The following ASIC2 variants were observed in gnomAD, a reference collection of about 807,000 sequenced individuals.
The protein encoded by ASIC2 is acid sensing ion channel subunit 2.
A neutral mutation model predicts 57.3 loss-of-function variants in ASIC2; 25 were observed. The observed-to-expected ratio is 0.44, with a 90% CI of 0.32 to 0.61. ASIC2 has a LOEUF of 0.61. ASIC2 is among the 20% of genes least tolerant of loss of function. The probability of loss-of-function intolerance (pLI) is 0.06; values close to 1 mark genes in which losing one functional copy is unlikely to be tolerated. For synonymous variants in ASIC2, 319 were observed against 307.5 expected (o/e 1.04, Z -0.39); for missense variants, 641 against 738.1 (o/e 0.87, Z 1.52).
intron 1 of ASIC2, among the ~76,000 whole-genome samples, chr17:33,275,949 T>G (rs1346148562): frequency 6.6e-6 from 1 of 152,126 alleles, no homozygotes; most frequent in Non-Finnish European, 1.5e-5. Flanking sequence ...GGCCTTATCT[T>G]GTAGGCAGCA....
At chr17:33,398,818 A>G (rs1401279303) in intron 1 of ASIC2, among the ~76,000 whole-genome samples, 1 of 152,234 alleles carries the variant, frequency 6.6e-6, no homozygotes, top group Admixed American at 6.5e-5. Context: ...CTACACAGCC[A>G]TTGAAGACAG....
chr17:33,479,276 C>T (rs536963286), intron 1 of ASIC2, among the ~76,000 whole-genome samples: 34 of 152,136 alleles, frequency 2.2e-4, no homozygotes, highest in African/African-American at 5.8e-4. Context: ...TGGGATTACA[C>T]GCATGAGCCA....
At chr17:33,857,417 T>C (rs1913988821) in intron 1 of ASIC2, among the ~76,000 whole-genome samples, 2 of 152,294 alleles carry the variant, frequency 1.3e-5, no homozygotes, top group African/African-American at 4.8e-5. Flanking sequence ...CATTCTGCCC[T>C]GCCTTTTCCT....
At chr17:33,689,775 C>T (rs1232591103) in intron 1 of ASIC2, among the ~76,000 whole-genome samples, 1 of 152,190 alleles carries the variant, frequency 6.6e-6, no homozygotes, top group Non-Finnish European at 1.5e-5. Context: ...TGACCAGTGT[C>T]CTCTTCAGTG....
chr17:34,017,641 A>C (rs573489418), intron 1 of ASIC2, among the ~76,000 whole-genome samples: 1 of 152,360 alleles, frequency 6.6e-6, no homozygotes, highest in African/African-American at 2.4e-5. Context: ...CAGTGAACAC[A>C]CAAATGATAA....
At chr17:33,205,770 G>A (rs113597302) in intron 1 of ASIC2, among the ~76,000 whole-genome samples, 6 of 152,218 alleles carry the variant, frequency 3.9e-5, no homozygotes, top group African/African-American at 9.6e-5. Context: ...CAGAGCTCCC[G>A]GCATGCCGCA....
At chr17:34,088,614 T>C (rs1039107884) in intron 1 of ASIC2, among the ~76,000 whole-genome samples, 1 of 152,234 alleles carries the variant, frequency 6.6e-6, no homozygotes, top group African/African-American at 2.4e-5. Context: ...GCTGTCTTTT[T>C]GTTTGTCTGT....
In ASIC2 at chr17:33,454,147, C is replaced by A. The variant is rs569795260; in HGVS notation, c.556-342080G>T. Among the ~76,000 whole-genome samples, 3 of 152,288 alleles carry A rather than the reference C, an allele frequency of 2.0e-5. No individual in the cohort carries two copies. In the South Asian group the frequency reaches 6.2e-4, roughly 32 times the overall value. On this transcript the variant is annotated intron_variant, in intron 1 of 9. Coordinates refer to the ASIC2 transcript ENST00000359872. The stretch of plus-strand genomic sequence containing the variant: ...TTCCTTTTCTCTCATGGTGACATTT[C>A]TTTTACTTGTCCCCAGCCTCTGTAA...
At chr17:33,410,205 C>T (rs746739604) in intron 1 of ASIC2, among the ~76,000 whole-genome samples, 1 of 152,132 alleles carries the variant, frequency 6.6e-6, no homozygotes, top group Non-Finnish European at 1.5e-5. Context: ...ATACCATTTC[C>T]AGCAACAGTG....
chr17:33,401,003 G>A (rs1910265607), intron 1 of ASIC2, among the ~76,000 whole-genome samples: 1 of 152,150 alleles, frequency 6.6e-6, no homozygotes, highest in South Asian at 2.1e-4. Flanking sequence ...CAGGTCACTG[G>A]AGAGATGCCA....
intron 1 of ASIC2, among the ~76,000 whole-genome samples, chr17:33,405,901 C>T (rs1376365905): frequency 6.6e-6 from 1 of 152,154 alleles, no homozygotes; most frequent in Admixed American, 6.5e-5. Context: ...CACCCAGGGG[C>T]CAGGTACCAG....
intron 1 of ASIC2, among the ~76,000 whole-genome samples, chr17:33,382,948 C>G (rs1358209525): frequency 6.6e-6 from 1 of 152,178 alleles, no homozygotes; most frequent in Non-Finnish European, 1.5e-5. Context: ...GTCTGCCGTT[C>G]CCTGTGCCTA....
chr17:33,334,376 A>C (rs1345786328), intron 1 of ASIC2, among the ~76,000 whole-genome samples: 2 of 152,194 alleles, frequency 1.3e-5, no homozygotes, highest in Non-Finnish European at 2.9e-5. Context: ...TCCAGAGCTC[A>C]TGCATGTCCA....
intron 1 of ASIC2, among the ~76,000 whole-genome samples, chr17:33,146,362 G>A (rs756499690): frequency 5.3e-5 from 8 of 152,258 alleles, no homozygotes; most frequent in South Asian, 2.1e-4. Context: ...ATTGACCCTC[G>A]GAGGGGTTAG....
intron 1 of ASIC2, among the ~76,000 whole-genome samples, chr17:33,243,899 G>A (rs1908600949): frequency 6.6e-6 from 1 of 152,176 alleles, no homozygotes; most frequent in Admixed American, 6.5e-5. Context: ...GCAAGTGCTA[G>A]TTTGGCTTTG....
intron 1 of ASIC2, among the ~76,000 whole-genome samples, chr17:33,418,050 G>A (rs1055307349): frequency 8.8e-5 from 8 of 90,660 alleles, no homozygotes; most frequent in African/African-American, 3.2e-4. Context: ...GTGTGTGTGT[G>A]TGTGTGTGTG....
chr17:33,637,714 T>C (rs758174528), intron 1 of ASIC2, among the ~76,000 whole-genome samples: 24 of 152,174 alleles, frequency 1.6e-4, no homozygotes, highest in Admixed American at 3.3e-4. Context: ...CTTGTCAACA[T>C]TGTAATTACC....
chr17:33,762,816 GA>G (rs1910826162), intron 1 of ASIC2, among the ~76,000 whole-genome samples: 1 of 152,220 alleles, frequency 6.6e-6, no homozygotes. Context: ...TGTGAGGAGA[GA>G]AAAAGGTTGC....
chr17:33,949,459 T>C lies in ASIC2; in HGVS notation c.555+206519A>G, dbSNP rs539451559. 2.0e-5 allele frequency among the ~76,000 whole-genome samples: 3 copies of C among 152,348 alleles called. No homozygotes were observed. The East Asian group carries it at 5.8e-4, about 29-fold the overall frequency. On this transcript the variant is annotated intron_variant, in intron 1 of 9. Transcript: ENST00000359872. Reference sequence around the variant, plus strand: ...AATAGATTCTTCCACAATAAATGACTGTGCTTTTGTAAATTTATAAGTTTT... The same window carrying C: ...AATAGATTCTTCCACAATAAATGACCGTGCTTTTGTAAATTTATAAGTTTT...
Sources: gnomAD v4.1 joint callset for allele counts (sites outside exome capture counted in the v4.1 genomes callset) on GRCh38, gnomAD v4.1.1 for gene constraint, MANE v1.5 for transcripts, NCBI Gene and HGNC (gene_info 2026-07-23, HGNC 2026-07-21) for gene names.